PTPN18: variants seen among roughly 807,000 people sequenced by gnomAD.
PTPN18 encodes the protein tyrosine-protein phosphatase non-receptor type 18.
A neutral mutation model predicts 65.4 loss-of-function variants in PTPN18; 65 were observed. The observed-to-expected ratio is 0.99, with a 90% CI of 0.81 to 1.22. PTPN18 has a LOEUF of 1.22. Ranked by LOEUF, PTPN18 falls within the 50% of genes most tolerant of loss-of-function variation. The probability of loss-of-function intolerance (pLI) is 0.00; values close to 1 mark genes in which losing one functional copy is unlikely to be tolerated. For missense variants in PTPN18, 616 were observed against 646.5 expected, an observed-to-expected ratio of 0.95 and a Z score of 0.51; for synonymous variants, 255 against 267.8, an observed-to-expected ratio of 0.95 and a Z score of 0.47.
chr2:130,362,178 C>T (rs1195491122), intron 5 of PTPN18: 1 of 469,476 alleles, frequency 2.1e-6, no homozygotes, highest in East Asian at 7.0e-5. Context: ...ACGTATAATC[C>T]AGGCTGGTCT....
rs752953855 is a variant in PTPN18, at chr2:130,372,230, C to T, written c.1014-27C>T. Reference sequence around the variant, plus strand: ...CGCCCTGCCCAGCGCCGCCGTTTCACTTCCTCCCGGCCCTCCCTGCCTGCA... The same window carrying T: ...CGCCCTGCCCAGCGCCGCCGTTTCATTTCCTCCCGGCCCTCCCTGCCTGCA... On this transcript the variant is annotated intron_variant, in intron 12 of 14. Transcript: ENST00000175756. 9 of 1,560,802 alleles carry T rather than the reference C, an allele frequency of 5.8e-6. No homozygotes were observed. The African/African-American group carries it at 8.3e-5, about 14-fold the overall frequency.
Position 130,373,256 on chromosome 2 carries a change from G to C in PTPN18, c.*32G>C, listed in dbSNP as rs1202385255. ...CGCCAGTTCCTGCCTGTTGCCTCTT[G>C]TGAGCTCGGACTGCTGATGCCCCGG... On this transcript the variant is annotated 3_prime_UTR_variant, in exon 15 of 15. Coordinates refer to ENST00000175756, the MANE Select transcript of PTPN18 (RefSeq NM_014369.4). The surrounding 1 kb of genome is among the most constrained non-coding windows in gnomAD (Gnocchi z 4.1). The C allele has an allele frequency of 6.5e-7, 1 of 1,542,476 alleles. No homozygotes were observed. Among genetic ancestry groups the C allele is most frequent in the Admixed American group, 2.1e-5 (1 of 47,358 alleles).
intron 5 of PTPN18, among the ~76,000 whole-genome samples, chr2:130,363,020 C>T (rs1045764363): frequency 1.3e-5 from 2 of 151,478 alleles, no homozygotes; most frequent in Non-Finnish European, 3.0e-5. Flanking sequence ...GGGGTTTCAC[C>T]GTGTTAGCCA....
Position 130,370,855 on chromosome 2 carries a change from A to T in PTPN18, c.835-20A>T. ...CATTTGCCCCTGCCTTCCCTTCTTG[A>T]TGGTCCCTCACCCCAACAGGAGCAG... On this transcript the variant is annotated intron_variant, in intron 10 of 14. Transcript: ENST00000175756. The T allele has an allele frequency of 6.2e-7, 1 of 1,613,310 alleles. No homozygotes were observed. The highest frequency in any genetic ancestry group is 1.7e-5 in the Admixed American group (1 of 60,000).
At chr2:130,356,450 T>G in intron 1 of PTPN18, 37 of 499,942 alleles carry the variant, frequency 7.4e-5, no homozygotes, top group East Asian at 2.6e-4. Context: ...CACACCCTCG[T>G]TCCCGGTGTC....
rs1032812909 is a variant in PTPN18, at chr2:130,358,145, C to T, written c.94-722C>T. Among the ~76,000 whole-genome samples the T allele has an allele frequency of 6.6e-5, 10 of 152,314 alleles. No individual in the cohort carries two copies. In the East Asian group the frequency reaches 1.5e-3, roughly 24 times the overall value. On this transcript the variant is annotated intron_variant, in intron 1 of 14. Coordinates refer to ENST00000175756, the MANE Select transcript of PTPN18 (RefSeq NM_014369.4). ...CTGCCTCCCGCATGTGCAGGAATCA[C>T]TGCGCTCTTCTAGGTGTTCCCACTA...
rs763428383 is a variant in PTPN18, at chr2:130,372,349, G to GGACGCA, written c.1111_1116dup (p.Gln371_Thr372dup). Reference sequence around the variant, plus strand: ...GGGGCTCCAGCGGGCGCCGGGAGTGGGACGCAGACGGGGACGGGGACGGGG... The same window carrying GGACGCA: ...GGGGCTCCAGCGGGCGCCGGGAGTGGGACGCAGACGCAGACGGGGACGGGGACGGGG... On this transcript the variant is annotated inframe_insertion, in exon 13 of 15. Transcript: ENST00000175756. The GGACGCA allele has an allele frequency of 3.3e-5, 46 of 1,388,904 alleles. No homozygotes were observed. Among genetic ancestry groups the GGACGCA allele is most frequent in the Non-Finnish European group, 4.1e-5 (44 of 1,082,658 alleles). The allele number at this position is 1,388,904 out of a possible 1,614,324, so 86.0% of individuals were successfully genotyped here.
chr2:130,370,515 G>C (rs1351047010), intron 8 of PTPN18, 42 bp from the exon 9 acceptor site: 14 of 1,609,716 alleles, frequency 8.7e-6, no homozygotes, highest in Non-Finnish European at 1.1e-5. Flanking sequence ...AAAAGGGGTT[G>C]TGGTCAGGAC....
intron 12 of PTPN18, 157 bp downstream of exon 12, chr2:130,371,444 A>C: frequency 1.5e-6 from 1 of 648,726 alleles, no homozygotes; most frequent in Non-Finnish European, 2.6e-6. Flanking sequence ...AGATGATTCA[A>C]TTATCCCAAG....
Position 130,372,862 on chromosome 2 carries a change from G to C in PTPN18, c.1241-11G>C, listed in dbSNP as rs6741871. ...TCCGGAGCTGACCCGTGGGGGGTCTGCTGCCCTCAGTTCCTGCTGACCAAA... is the reference window on the plus strand; with the variant it reads ...TCCGGAGCTGACCCGTGGGGGGTCTCCTGCCCTCAGTTCCTGCTGACCAAA... On this transcript the variant is annotated splice_polypyrimidine_tract_variant and intron_variant, in intron 13 of 14. Transcript: ENST00000175756. The C allele has an allele frequency of 0.021, 34,541 of 1,613,832 alleles. 6,291 individuals carry two copies. In the African/African-American group the frequency reaches 0.4, roughly 19 times the overall value.
Position 130,374,987 on chromosome 2 carries a change from T to C in PTPN18, c.*1763T>C. 4.0e-6 allele frequency: 1 copy of C among 248,424 alleles called. No homozygotes were observed. The highest frequency in any genetic ancestry group is 8.2e-6 in the Non-Finnish European group (1 of 121,634). The allele number at this position is 248,424 out of a possible 1,614,324, so 15.4% of individuals were successfully genotyped here. ...TTTGGGTGCCCACAGTGGGAGCTGG[T>C]GTGATATCATACCTTCGCCGGCCGC... On this transcript the variant is annotated 3_prime_UTR_variant, in exon 15 of 15. Transcript: ENST00000175756.
intron 5 of PTPN18, among the ~76,000 whole-genome samples, chr2:130,365,059 TA>T (rs1315877517): frequency 1.3e-5 from 2 of 152,210 alleles, no homozygotes; most frequent in African/African-American, 4.8e-5. Flanking sequence ...GTAAACATCA[TA>T]GAGTATACTT....
intron 5 of PTPN18, among the ~76,000 whole-genome samples, chr2:130,363,684 T>C (rs1680296989): frequency 6.6e-6 from 1 of 152,206 alleles, no homozygotes; most frequent in African/African-American, 2.4e-5. Flanking sequence ...ACATTTTACT[T>C]ATTGGTTGAC....
intron 1 of PTPN18, 27 bp downstream of exon 1, chr2:130,356,227 G>A (rs1443420470): frequency 7.7e-7 from 1 of 1,299,670 alleles, no homozygotes; most frequent in Middle Eastern, 2.1e-4. Context: ...GTCCGCGAGC[G>A]GCGCGCCCCG....
At chr2:130,371,040 C>A in intron 11 of PTPN18, 76 bp downstream of exon 11, 2 of 1,487,624 alleles carry the variant, frequency 1.3e-6, no homozygotes, top group Non-Finnish European at 9.3e-7. Flanking sequence ...AGGGTCCAGC[C>A]CCCGGGACTA....
chr2:130,356,176 G>A lies in PTPN18; in HGVS notation c.69G>A (p.Gly23=). The A allele has an allele frequency of 1.5e-6, 2 of 1,316,482 alleles. No individual in the cohort carries two copies. Among genetic ancestry groups the A allele is most frequent in the Non-Finnish European group, 1.9e-6 (2 of 1,036,744 alleles). 81.6% of individuals were successfully genotyped at this position (1,316,482 alleles called of 1,614,324 possible). A position where few individuals can be genotyped will look rare whatever the true frequency, so the allele number is the denominator to read the frequency against. The change falls in exon 1 of 15, where the codon GGG becomes GGA. Residue 23 remains glycine, a synonymous_variant. Transcript: ENST00000175756. ...ERLEARGGRE[G]AVLAGEFSDI... ...TGGAAGCGCGGGGCGGCCGGGAGGG[G>A]GCAGTCCTCGCCGGCGAGTTCAGCG...
chr2:130,372,924 G>A lies in PTPN18; in HGVS notation c.1292G>A (p.Gly431Asp), dbSNP rs1680628224. 2 of 1,614,194 alleles carry A rather than the reference G, an allele frequency of 1.2e-6. No individual in the cohort carries two copies. The highest frequency in any genetic ancestry group is 2.2e-5 in the South Asian group (2 of 91,090). ...AGSGAYEDVAGGAQTGGLGFN... is the reference protein window; with the variant it reads ...AGSGAYEDVADGAQTGGLGFN... Reference sequence around the variant, plus strand: ...TCTGGCGCCTACGAGGACGTGGCGGGTGGAGCTCAGACCGGTGGGCTAGGT... The same window carrying A: ...TCTGGCGCCTACGAGGACGTGGCGGATGGAGCTCAGACCGGTGGGCTAGGT... The change falls in exon 14 of 15, where the codon GGT (glycine) becomes GAT (aspartate). Residue 431 changes from glycine (G) to aspartate (D), a missense_variant. By Grantham distance (94) the Gly-to-Asp change is moderately conservative. Coordinates refer to ENST00000175756, the MANE Select transcript of PTPN18 (RefSeq NM_014369.4).
chr2:130,372,997 C>G, intron 14 of PTPN18, 50 bp downstream of exon 14: 1 of 1,606,154 alleles, frequency 6.2e-7, no homozygotes, highest in East Asian at 2.2e-5. Context: ...TTTGAGTGAA[C>G]CCAGGAGTCT....
chr2:130,360,528 ATC>A (rs1051775377), intron 5 of PTPN18, among the ~76,000 whole-genome samples: 1 of 151,556 alleles, frequency 6.6e-6, no homozygotes, highest in African/African-American at 2.4e-5. Flanking sequence ...TCTCTGTCTC[ATC>A]TCTCTATTTC....
Sources: gnomAD v4.1 joint callset for allele counts (sites outside exome capture counted in the v4.1 genomes callset) on GRCh38, gnomAD v4.1.1 for gene constraint, Gnocchi (gnomAD v3.1) non-coding constraint, MANE v1.5 for transcripts, NCBI Gene and HGNC (gene_info 2026-07-23, HGNC 2026-07-21) for gene names.